The following PHF24 variants were observed in gnomAD, a reference collection of about 807,000 sequenced individuals.
PHF24 encodes PHD finger protein 24, also known as Galpha inhibitory interacting protein.
Under a neutral mutation model 42.6 loss-of-function variants are expected in PHF24, and 25 were observed. That is an observed-to-expected ratio of 0.59 (90% CI 0.43 to 0.82). PHF24 has a LOEUF of 0.82. Ranked by LOEUF, PHF24 falls within the 40% of genes least tolerant of loss-of-function variation. The pLI is 0.00. For missense variants in PHF24, 470 were observed against 538.1 expected (o/e 0.87, Z 1.25); for synonymous variants, 185 against 204.8 (o/e 0.90, Z 0.83).
chr9:34,839,131 T>G, the PHF24 span, among the ~76,000 whole-genome samples: 2 of 152,184 alleles, frequency 1.3e-5, no homozygotes, highest in Admixed American at 1.3e-4. Context: ...GGGGAGAGAT[T>G]GTAAATGCTG....
chr9:34,869,698 A>G, the PHF24 span, among the ~76,000 whole-genome samples: 1 of 152,152 alleles, frequency 6.6e-6, no homozygotes, highest in African/African-American at 2.4e-5. Flanking sequence ...TTACAGATAC[A>G]TCTAGAGAGG....
chr9:34,903,583 A>AAAT, the PHF24 span, among the ~76,000 whole-genome samples: 1 of 152,222 alleles, frequency 6.6e-6, no homozygotes, highest in Non-Finnish European at 1.5e-5. Flanking sequence ...AAATGACATG[A>AAAT]AATAAAGTAA....
At chr9:34,935,244 T>C in the PHF24 span, among the ~76,000 whole-genome samples, 1 of 152,120 alleles carries the variant, frequency 6.6e-6, no homozygotes, top group African/African-American at 2.4e-5. Context: ...TACAAGACCC[T>C]TCTCAGTGGA....
chr9:34,827,603 G>C, the PHF24 span, among the ~76,000 whole-genome samples: 1 of 152,156 alleles, frequency 6.6e-6, no homozygotes, highest in Non-Finnish European at 1.5e-5. Context: ...TTAGGAACCA[G>C]GGGCATCCCA....
the PHF24 span, among the ~76,000 whole-genome samples, chr9:34,770,760 G>A: frequency 2.7e-5 from 4 of 149,402 alleles, no homozygotes; most frequent in South Asian, 8.3e-4. Context: ...CCGTGTGAGT[G>A]TATTATCTAT....
chr9:34,728,219 G>A, the PHF24 span: 1 of 710,366 alleles, frequency 1.4e-6, no homozygotes, highest in South Asian at 1.9e-5. Context: ...AGGCATGTCT[G>A]AGTACAGCAT....
At chr9:34,732,955 G>GT in the PHF24 span, among the ~76,000 whole-genome samples, 1 of 152,028 alleles carries the variant, frequency 6.6e-6, no homozygotes, top group Non-Finnish European at 1.5e-5. Flanking sequence ...TTTCTTTAAA[G>GT]TTTTTTTGTT....
chr9:34,782,531 C>A, the PHF24 span, among the ~76,000 whole-genome samples: 2 of 152,182 alleles, frequency 1.3e-5, no homozygotes, highest in African/African-American at 4.8e-5. Flanking sequence ...CAGATCCAAT[C>A]TGCCTTCCAG....
At chr9:34,777,950 T>G in the PHF24 span, among the ~76,000 whole-genome samples, 1 of 152,212 alleles carries the variant, frequency 6.6e-6, no homozygotes, top group African/African-American at 2.4e-5. Context: ...ATTGCAGAAG[T>G]CTGTGGTGGT....
At chr9:34,702,132 A>G in the PHF24 span, among the ~76,000 whole-genome samples, 5 of 152,184 alleles carry the variant, frequency 3.3e-5, no homozygotes, top group African/African-American at 7.2e-5. Context: ...TGTCTTGCCC[A>G]TAAGTGGACA....
At chr9:34,842,974 A>T in the PHF24 span, among the ~76,000 whole-genome samples, 4 of 152,172 alleles carry the variant, frequency 2.6e-5, no homozygotes, top group Non-Finnish European at 5.9e-5. Flanking sequence ...ATTAATAATG[A>T]TGTTGAGCAT....
At chr9:34,738,512 G>A in the PHF24 span, among the ~76,000 whole-genome samples, 8 of 151,818 alleles carry the variant, frequency 5.3e-5, no homozygotes, top group South Asian at 4.1e-4. Flanking sequence ...CACCATGCCC[G>A]GCTAATTGTA....
chr9:34,967,364 A>C (rs1826813630), intron 1 of PHF24, among the ~76,000 whole-genome samples: 1 of 152,228 alleles, frequency 6.6e-6, no homozygotes, highest in African/African-American at 2.4e-5. Flanking sequence ...AGGGAGCATC[A>C]CATGTAGTAA....
chr9:34,718,098 C>T, the PHF24 span, among the ~76,000 whole-genome samples: 2 of 152,242 alleles, frequency 1.3e-5, no homozygotes, highest in African/African-American at 4.8e-5. Context: ...TCCCTTCCCG[C>T]CGTCTGGATT....
At chr9:34,802,939 A>G in the PHF24 span, among the ~76,000 whole-genome samples, 2 of 152,102 alleles carry the variant, frequency 1.3e-5, no homozygotes, top group Admixed American at 1.3e-4. Context: ...CAGCCATTAG[A>G]ATTCTAATAG....
chr9:34,729,000 A>C, the PHF24 span, among the ~76,000 whole-genome samples: 1 of 152,194 alleles, frequency 6.6e-6, no homozygotes, highest in South Asian at 2.1e-4. Context: ...CACCAACCGG[A>C]AAAATCCCCC....
the PHF24 span, among the ~76,000 whole-genome samples, chr9:34,810,309 G>C: frequency 6.6e-6 from 1 of 152,174 alleles, no homozygotes; most frequent in African/African-American, 2.4e-5. Context: ...AGTGACAGCT[G>C]CCTCTATTGG....
chr9:34,890,068 G>A, the PHF24 span, among the ~76,000 whole-genome samples: 231 of 152,278 alleles, frequency 1.5e-3, no homozygotes, highest in African/African-American at 5.4e-3. Context: ...ATGGGGCTCC[G>A]CAGATCCAGA....
At chr9:34,895,588 G>A in the PHF24 span, 1 of 398,788 alleles carries the variant, frequency 2.5e-6, no homozygotes, top group East Asian at 3.6e-5. Flanking sequence ...CCCGGCAACA[G>A]CTCCTGTTAG....
Sources: allele counts gnomAD v4.1 joint callset (sites outside exome capture counted in the v4.1 genomes callset), GRCh38; gene constraint gnomAD v4.1.1; transcripts MANE v1.5; gene names NCBI Gene and HGNC (gene_info 2026-07-23, HGNC 2026-07-21).